The following PTPRF variants were observed in gnomAD, a reference collection of about 807,000 sequenced individuals.
PTPRF encodes the protein receptor-type tyrosine-protein phosphatase F.
In PTPRF, 59 loss-of-function variants were observed where a neutral mutation model predicts 201.8. The ratio of observed to expected loss-of-function variants is 0.29; its 90% confidence interval spans 0.24 to 0.36. The LOEUF is 0.36. PTPRF is among the 10% of genes least tolerant of loss of function. The probability of loss-of-function intolerance (pLI) is 1.00; values close to 1 mark genes in which losing one functional copy is unlikely to be tolerated. For missense variants in PTPRF, 2,132 were observed against 2,690.5 expected (o/e 0.79, Z 4.59); for synonymous variants, 1,088 against 1,089.7 (o/e 1.00, Z 0.03).
intron 12 of PTPRF, 192 bp downstream of exon 12, chr1:43,598,245 T>G (rs1652871253): frequency 3.5e-6 from 2 of 567,894 alleles, no homozygotes; most frequent in Non-Finnish European, 5.8e-6. Context: ...TGGGGCTGTC[T>G]CCAAAGCAGC....
intron 12 of PTPRF, chr1:43,598,344 A>C: frequency 2.2e-6 from 1 of 461,640 alleles, no homozygotes; most frequent in Middle Eastern, 5.4e-4. Flanking sequence ...AAGATACTCA[A>C]AGTAGAATCA....
Position 43,619,212 on chromosome 1 carries a change from T to C in PTPRF, c.4646+10T>C. The C allele has an allele frequency of 9.8e-7, 1 of 1,019,114 alleles. No individual in the cohort carries two copies. Among genetic ancestry groups the C allele is most frequent in the Non-Finnish European group, 1.4e-6 (1 of 716,010 alleles). The allele number at this position is 1,019,114 out of a possible 1,614,324, so 63.1% of individuals were successfully genotyped here. A position where few individuals can be genotyped will look rare whatever the true frequency, so the allele number is the denominator to read the frequency against. The stretch of plus-strand genomic sequence containing the variant: ...TGGTGGTGCACTGCAGGTGAGAGGG[T>C]ACAGTGCCACCCAGAGGGGTGGGTG... On this transcript the variant is annotated intron_variant, in intron 27 of 33. Coordinates refer to ENST00000359947, the MANE Select transcript of PTPRF (RefSeq NM_002840.5).
At chr1:43,617,680 T>C in intron 24 of PTPRF, 56 bp from the exon 25 acceptor site, 1 of 1,599,312 alleles carries the variant, frequency 6.3e-7, no homozygotes, top group Non-Finnish European at 8.5e-7. Context: ...TGAGGCATGG[T>C]GGGCTGGGCT....
chr1:43,588,906 G>A lies in PTPRF; in HGVS notation c.855G>A (p.Leu285=). 1.2e-6 allele frequency: 2 copies of A among 1,613,406 alleles called. No homozygotes were observed. The highest frequency in any genetic ancestry group is 2.7e-5 in the African/African-American group (2 of 75,058). ...EDEMPVGRNV[L]ELSNVVRSAN... ...AGATGCCAGTTGGCCGCAACGTCCT[G>A]GAGCTCAGCAATGTCGTACGCTCTG... Residue 285 remains leucine (L), a synonymous_variant, in exon 8 of 34, where the codon CTG becomes CTA. Transcript: ENST00000359947. This position sits in a 1 kb window ranked among gnomAD's most constrained non-coding sequence, Gnocchi z 5.3.
intron 21 of PTPRF, among the ~76,000 whole-genome samples, chr1:43,607,818 C>A (rs1368397672): frequency 6.6e-6 from 1 of 152,264 alleles, no homozygotes; most frequent in Non-Finnish European, 1.5e-5. Flanking sequence ...CAAGTCCATG[C>A]TCTGGTGCCT....
intron 7 of PTPRF, among the ~76,000 whole-genome samples, chr1:43,585,318 G>A (rs1033481212): frequency 6.6e-6 from 1 of 152,162 alleles, no homozygotes; most frequent in Admixed American, 6.5e-5. Flanking sequence ...GTCCCTGTTG[G>A]CACTTGGAAT....
chr1:43,526,392 C>A (rs542189517), upstream of PTPRF, among the ~76,000 whole-genome samples: 1 of 151,804 alleles, frequency 6.6e-6, no homozygotes, highest in Non-Finnish European at 1.5e-5. Flanking sequence ...CCCAGGAGTT[C>A]GAGATCAGCC....
At chr1:43,549,566 G>A (rs1192553025) in intron 3 of PTPRF, among the ~76,000 whole-genome samples, 1 of 152,208 alleles carries the variant, frequency 6.6e-6, no homozygotes, top group Non-Finnish European at 1.5e-5. Context: ...TGTTGAAAGA[G>A]TAAAGAAGCC....
intron 9 of PTPRF, 71 bp downstream of exon 9, chr1:43,591,624 C>A: frequency 6.8e-7 from 1 of 1,469,876 alleles, no homozygotes. Context: ...CGGTGCCTTT[C>A]CCCCTCCCTC....
chr1:43,529,805 G>A (rs1454696839), upstream of PTPRF, among the ~76,000 whole-genome samples: 1 of 152,134 alleles, frequency 6.6e-6, no homozygotes, highest in Non-Finnish European at 1.5e-5. Context: ...TAGGTTATTG[G>A]TTTCACCCAG....
intron 5 of PTPRF, 104 bp from the exon 6 acceptor site, chr1:43,569,486 T>G: frequency 2.6e-6 from 3 of 1,165,300 alleles, no homozygotes; most frequent in Non-Finnish European, 3.6e-6. Flanking sequence ...GGGAGGGGAG[T>G]CTTGAGGGCC....
intron 33 of PTPRF, among the ~76,000 whole-genome samples, chr1:43,621,638 T>C (rs1241986084): frequency 6.6e-6 from 1 of 152,176 alleles, no homozygotes. Context: ...TGTGCCTGGC[T>C]CTGGGCAAGG....
chr1:43,616,159 C>G (rs756631418), intron 23 of PTPRF, among the ~76,000 whole-genome samples: 1 of 151,218 alleles, frequency 6.6e-6, no homozygotes, highest in Non-Finnish European at 1.5e-5. Flanking sequence ...AGGCTGGGGA[C>G]AACATATGGA....
In PTPRF at chr1:43,592,475, C is replaced by G. The variant is rs771037116; in HGVS notation, c.1687C>G (p.Pro563Ala). 4.3e-6 allele frequency: 7 copies of G among 1,611,154 alleles called. No individual in the cohort carries two copies. Among genetic ancestry groups the G allele is most frequent in the Non-Finnish European group, 5.1e-6 (6 of 1,178,758 alleles). The stretch of plus-strand genomic sequence containing the variant: ...TTCCCAGCACAAGGTGACCTTCGAC[C>G]CAACCTCCTCCTACACACTAGAGGA... Reference protein sequence around the residue: ...EDQQHKVTFDPTSSYTLEDLK... With the variant: ...EDQQHKVTFDATSSYTLEDLK... Residue 563 changes from proline (P) to alanine (A), a missense_variant, in exon 11 of 34, where the codon CCA becomes GCA. Around this residue, in one of 6 missense-constraint regions of PTPRF, gnomAD observed 351 missense variants for 401.7 expected, o/e 0.87. Coordinates refer to ENST00000359947, the MANE Select transcript of PTPRF (RefSeq NM_002840.5).
chr1:43,523,877 TAA>T (rs1643019461), upstream of PTPRF, among the ~76,000 whole-genome samples: 1 of 144,876 alleles, frequency 6.9e-6, no homozygotes, highest in South Asian at 2.2e-4. Context: ...GCGAATCCCC[TAA>T]GTCTACTAAA....
At chr1:43,564,503 C>T (rs940848655) in intron 5 of PTPRF, among the ~76,000 whole-genome samples, 5 of 152,210 alleles carry the variant, frequency 3.3e-5, no homozygotes, top group Non-Finnish European at 5.9e-5. Context: ...GATCTGCTTG[C>T]ATGCGCCTGT....
At chr1:43,531,490 C>T (rs1382171731) in intron 1 of PTPRF, among the ~76,000 whole-genome samples, 6 of 147,098 alleles carry the variant, frequency 4.1e-5, no homozygotes, top group African/African-American at 9.9e-5. Flanking sequence ...GGACGCGCTC[C>T]GGGGGCGGCC....
chr1:43,598,606 A>C (rs1454269128), intron 12 of PTPRF, 114 bp from the exon 13 acceptor site: 1 of 985,128 alleles, frequency 1.0e-6, no homozygotes, highest in Non-Finnish European at 1.5e-6. Context: ...AAACTGTATC[A>C]GGGCCTTTCC....
rs780812023 is a variant in PTPRF at position 43,530,942 on chromosome 1, GGGCTCCGGCTCCGGCTCC to G, written c.-261_-244del. The G allele has an allele frequency of 7.0e-5, 11 of 156,118 alleles. No individual in the cohort carries two copies. Among genetic ancestry groups the G allele is most frequent in the African/African-American group, 1.7e-4 (7 of 41,022 alleles). The allele number at this position is 156,118 out of a possible 1,614,324, so 9.7% of individuals were successfully genotyped here. A position where few individuals can be genotyped will look rare whatever the true frequency, so the allele number is the denominator to read the frequency against. On this transcript the variant is annotated 5_prime_UTR_variant, in exon 1 of 34. Transcript: ENST00000359947. This position sits in a 1 kb window ranked among gnomAD's most constrained non-coding sequence, Gnocchi z 4.1. ...CCAGCTTCGGCTCCGGCTCGGGCTC[GGGCTCCGGCTCCGGCTCC>G]GGCTCCGGCTCCAGCTCGGGTGGCG...
Sources: gnomAD v4.1 joint callset for allele counts (sites outside exome capture counted in the v4.1 genomes callset) on GRCh38, gnomAD v4.1.1 for gene constraint, gnomAD v4.1.1 regional missense constraint, Gnocchi (gnomAD v3.1) non-coding constraint, MANE v1.5 for transcripts, NCBI Gene and HGNC (gene_info 2026-07-23, HGNC 2026-07-21) for gene names.